RAB3GAP2: variants seen among roughly 807,000 people sequenced by gnomAD.
The protein encoded by RAB3GAP2 is rab3 GTPase-activating protein non-catalytic subunit.
In RAB3GAP2, 87 loss-of-function variants were observed where a neutral mutation model predicts 185.3. That is an observed-to-expected ratio of 0.47 (90% CI 0.39 to 0.56). The LOEUF (loss-of-function observed/expected upper bound fraction) is 0.56, where lower values mean the gene tolerates loss of function less well. RAB3GAP2 is among the 20% of genes least tolerant of loss of function. The pLI, the probability that RAB3GAP2 is intolerant of heterozygous loss-of-function variation, is 0.00. For synonymous variants in RAB3GAP2, 554 were observed against 576.1 expected (o/e 0.96, Z 0.55); for missense variants, 1,492 against 1,638.2 (o/e 0.91, Z 1.54).
rs1207639976 is a variant in RAB3GAP2, at chr1:220,157,265, C to T, written c.3555+5G>A. 6.2e-7 allele frequency: 1 copy of T among 1,610,732 alleles called. No individual in the cohort carries two copies. Among genetic ancestry groups the T allele is most frequent in the Non-Finnish European group, 8.5e-7 (1 of 1,177,184 alleles). On this transcript the variant is annotated splice_donor_5th_base_variant and intron_variant, in intron 31 of 34. Coordinates refer to ENST00000358951, the MANE Select transcript of RAB3GAP2 (RefSeq NM_012414.4). ...AATAGCTCTGAAATCCTGTGAGGTACTTACCTTACTGTCAAAAAGTGAAAG... is the reference window on the plus strand; with the variant it reads ...AATAGCTCTGAAATCCTGTGAGGTATTTACCTTACTGTCAAAAAGTGAAAG...
chr1:220,196,551 G>T lies in RAB3GAP2; in HGVS notation c.812-153C>A, dbSNP rs116370890. Among the ~76,000 whole-genome samples, 1,774 of 152,190 alleles carry T rather than the reference G, an allele frequency of 0.012. 29 individuals are homozygous for T. Among genetic ancestry groups the T allele is most frequent in the African/African-American group, 0.041 (1,708 of 41,506 alleles). On this transcript the variant is annotated intron_variant, in intron 9 of 34. Coordinates refer to ENST00000358951, the MANE Select transcript of RAB3GAP2 (RefSeq NM_012414.4). ...CAAAGTCAACATCAGAAAATATTCT[G>T]CCAGGCATGGTGGCTCACTCCTATA...
chr1:220,185,583 C>A, intron 18 of RAB3GAP2, 68 bp downstream of exon 18: 1 of 1,159,554 alleles, frequency 8.6e-7, no homozygotes, highest in Non-Finnish European at 1.3e-6. Flanking sequence ...AAGTCAATAG[C>A]TTTCTATAAT....
chr1:220,260,515 T>C (rs898516523), intron 1 of RAB3GAP2, among the ~76,000 whole-genome samples: 2 of 151,970 alleles, frequency 1.3e-5, no homozygotes, highest in Admixed American at 6.5e-5. Flanking sequence ...AGACACCACA[T>C]GTTCTGACTT....
Position 220,189,772 on chromosome 1 carries a change from A to G in RAB3GAP2, c.1715-5T>C, listed in dbSNP as rs1402803554. On this transcript the variant is annotated splice_polypyrimidine_tract_variant and splice_region_variant and intron_variant, in intron 16 of 34. Coordinates refer to ENST00000358951, the MANE Select transcript of RAB3GAP2 (RefSeq NM_012414.4). The stretch of plus-strand genomic sequence containing the variant: ...TTATTTCTGTTTCAACCAAATCTAT[A>G]AAGAAAAAAATAATCAAAGTAAAAT... 3.4e-6 allele frequency: 5 copies of G among 1,473,164 alleles called. No homozygotes were observed. The highest frequency in any genetic ancestry group is 4.6e-6 in the Non-Finnish European group (5 of 1,087,258). The allele number at this position is 1,473,164 out of a possible 1,614,324, so 91.3% of individuals were successfully genotyped here. A position where few individuals can be genotyped will look rare whatever the true frequency, so the allele number is the denominator to read the frequency against.
At position 220,267,215 on chromosome 1, in the gene RAB3GAP2, T is replaced by C. The variant is rs150070001; in HGVS notation, c.115+5008A>G. On this transcript the variant is annotated intron_variant, in intron 1 of 34. Coordinates refer to ENST00000358951, the MANE Select transcript of RAB3GAP2 (RefSeq NM_012414.4). Reference sequence around the variant, plus strand: ...GCACTTGCCAATTCTGTGATATAAGTAGCAGTTCTCTGCTCATCAAACTTT... The same window carrying C: ...GCACTTGCCAATTCTGTGATATAAGCAGCAGTTCTCTGCTCATCAAACTTT... 879 of 916,524 alleles carry C rather than the reference T, an allele frequency of 9.6e-4. 62 individuals carry two copies. In the East Asian group the frequency reaches 0.021, roughly 22 times the overall value. 56.8% of individuals were successfully genotyped at this position (916,524 alleles called of 1,614,324 possible).
chr1:220,212,917 C>G lies in RAB3GAP2; in HGVS notation c.356G>C (p.Gly119Ala). ...TTCGACATTTAAGGAACCACTCCAGCCAACAGCAAATTGCATTTCTTCCTT... is the reference window on the plus strand; with the variant it reads ...TTCGACATTTAAGGAACCACTCCAGGCAACAGCAAATTGCATTTCTTCCTT... ...KGKEEMQFAV[G>A]WSGSLNVEEG... The change falls in exon 4 of 35, where the codon GGC (glycine) becomes GCC (alanine). Residue 119 changes from glycine to alanine, a missense_variant. Physicochemically the swap from Gly to Ala is moderately conservative, Grantham distance 60 (BLOSUM62 0). Transcript: ENST00000358951. The G allele has an allele frequency of 6.2e-7, 1 of 1,613,664 alleles. No homozygotes were observed.
intron 21 of RAB3GAP2, among the ~76,000 whole-genome samples, chr1:220,179,823 T>C (rs562766135): frequency 6.6e-6 from 1 of 152,086 alleles, no homozygotes; most frequent in South Asian, 2.1e-4. Flanking sequence ...AAAATAAAAA[T>C]GGAAATACAA....
At chr1:220,206,040 T>A (rs766932796) in intron 7 of RAB3GAP2, 34 bp from the exon 8 acceptor site, 4 of 1,327,668 alleles carry the variant, frequency 3.0e-6, no homozygotes, top group South Asian at 2.6e-5. Flanking sequence ...AGTTCTTGAA[T>A]AGATAAATAA....
chr1:220,176,316 T>C (rs1658288219), intron 21 of RAB3GAP2, among the ~76,000 whole-genome samples: 1 of 152,164 alleles, frequency 6.6e-6, no homozygotes, highest in Non-Finnish European at 1.5e-5. Context: ...GTCTAAATAA[T>C]AGATTTTGAG....
At chr1:220,246,298 T>A (rs905837341) in intron 1 of RAB3GAP2, among the ~76,000 whole-genome samples, 1 of 151,758 alleles carries the variant, frequency 6.6e-6, no homozygotes, top group Non-Finnish European at 1.5e-5. Context: ...TGTGGAGAAA[T>A]AGGACACTTT....
At chr1:220,165,115 C>T (rs568653806) in intron 26 of RAB3GAP2, among the ~76,000 whole-genome samples, 23 of 150,524 alleles carry the variant, frequency 1.5e-4, no homozygotes, top group South Asian at 8.6e-4. Context: ...GATTTAAAAA[C>T]AATAAGCTTA....
At chr1:220,210,081 G>A (rs187628163) in intron 7 of RAB3GAP2, among the ~76,000 whole-genome samples, 2 of 152,114 alleles carry the variant, frequency 1.3e-5, no homozygotes, top group East Asian at 1.9e-4. Context: ...AAGATATAAG[G>A]TTATAAAATA....
chr1:220,153,899 C>T (rs1235972203), intron 32 of RAB3GAP2, 69 bp downstream of exon 32: 59 of 1,598,784 alleles, frequency 3.7e-5, no homozygotes, highest in Non-Finnish European at 4.9e-5. Context: ...TTTTCAAAAG[C>T]CAGCTAGATT....
intron 1 of RAB3GAP2, chr1:220,267,776 G>A: frequency 6.6e-7 from 1 of 1,513,876 alleles, no homozygotes; most frequent in Non-Finnish European, 9.2e-7. Context: ...AAGGACACAA[G>A]ACCCACTGAG....
In RAB3GAP2 at chr1:220,221,609, G is replaced by T. The variant is rs185168398; in HGVS notation, c.181-7630C>A. ...TATTTTAGTATGGCCTAAACTTCAA[G>T]AATTTTTTTTGAATTAAGACCAGTA... is the stretch of plus-strand genomic sequence containing the variant. On this transcript the variant is annotated intron_variant, in intron 2 of 34. Transcript: ENST00000358951. Among the ~76,000 whole-genome samples, 1,008 of 152,194 alleles carry T rather than the reference G, an allele frequency of 6.6e-3. 5 individuals are homozygous for T. Among genetic ancestry groups the T allele is most frequent in the Admixed American group, 8.8e-3 (135 of 15,298 alleles).
rs772538821 is a variant in RAB3GAP2, at chr1:220,164,815, A to G, written c.3088-16T>C. On this transcript the variant is annotated splice_polypyrimidine_tract_variant and intron_variant, in intron 26 of 34. Transcript: ENST00000358951. ...AACGTGCTTCCTTACATACAGGGAG[A>G]AAAAAACGAGAAAGAAAAAGAGGTA... is the stretch of plus-strand genomic sequence containing the variant. 7 of 1,601,054 alleles carry G rather than the reference A, an allele frequency of 4.4e-6. No individual in the cohort carries two copies. The highest frequency in any genetic ancestry group is 1.3e-5 in the African/African-American group (1 of 74,838).
chr1:220,238,003 A>G (rs1461630157), intron 1 of RAB3GAP2, among the ~76,000 whole-genome samples: 1 of 152,022 alleles, frequency 6.6e-6, no homozygotes, highest in Non-Finnish European at 1.5e-5. Context: ...TTTTACATTC[A>G]TTTTTCATAT....
At chr1:220,202,415 T>A in intron 8 of RAB3GAP2, 41 bp from the exon 9 acceptor site, 1 of 1,584,006 alleles carries the variant, frequency 6.3e-7, no homozygotes, top group Non-Finnish European at 8.7e-7. Context: ...TTATTATGGA[T>A]AAAATGAAGT....
chr1:220,179,294 GA>G (rs1175954299), intron 21 of RAB3GAP2, among the ~76,000 whole-genome samples: 2 of 138,946 alleles, frequency 1.4e-5, no homozygotes, highest in Non-Finnish European at 3.1e-5. Flanking sequence ...ATTATACAAT[GA>G]AAAAAGAGTC....
Sources: allele counts gnomAD v4.1 joint callset (sites outside exome capture counted in the v4.1 genomes callset), GRCh38; gene constraint gnomAD v4.1.1; transcripts MANE v1.5; gene names NCBI Gene and HGNC (gene_info 2026-07-23, HGNC 2026-07-21).